The following STK10 variants were observed in gnomAD, a reference collection of about 807,000 sequenced individuals.
STK10 encodes the protein serine/threonine-protein kinase 10.
Under a neutral mutation model 113.8 loss-of-function variants are expected in STK10, and 78 were observed. The observed-to-expected ratio is 0.69, with a 90% CI of 0.57 to 0.83. The LOEUF (loss-of-function observed/expected upper bound fraction) is 0.83. Among genes scored for constraint, STK10 ranks in the 40% least tolerant of loss-of-function variants. The pLI, the probability that STK10 is intolerant of heterozygous loss-of-function variation, is 0.00. For synonymous variants in STK10, 465 were observed against 494.7 expected, an observed-to-expected ratio of 0.94 and a Z score of 0.80; for missense variants, 1,109 against 1,280.1, an observed-to-expected ratio of 0.87 and a Z score of 2.04.
chr5:172,099,186 C>T (rs1172257303), intron 7 of STK10, among the ~76,000 whole-genome samples: 1 of 152,142 alleles, frequency 6.6e-6, no homozygotes, highest in African/African-American at 2.4e-5. Context: ...TCACCATCAC[C>T]ATGACCATTA....
chr5:172,063,308 A>G (rs1388693108), intron 13 of STK10, among the ~76,000 whole-genome samples: 1 of 151,994 alleles, frequency 6.6e-6, no homozygotes, highest in Non-Finnish European at 1.5e-5. Flanking sequence ...CGTCTCAGAT[A>G]AATAAATAAT....
intron 2 of STK10, among the ~76,000 whole-genome samples, chr5:172,143,330 A>C (rs541182308): frequency 3.7e-4 from 56 of 152,276 alleles, no homozygotes; most frequent in African/African-American, 1.3e-3. Flanking sequence ...GTGCCACTGC[A>C]CTCCAGGCTA....
At chr5:172,108,921 A>G (rs1186481974) in intron 4 of STK10, among the ~76,000 whole-genome samples, 1 of 151,892 alleles carries the variant, frequency 6.6e-6, no homozygotes, top group Non-Finnish European at 1.5e-5. Flanking sequence ...AGTAGATGAC[A>G]TTACAGGCAT....
chr5:172,154,678 C>T lies in STK10; in HGVS notation c.321+1946G>A, dbSNP rs115313129. ...CCAGCCTAAAGTGACAATTTAGGGA[C>T]GGAAAAGTCTAGCGTATTTATTTAA... On this transcript the variant is annotated intron_variant, in intron 2 of 18. Coordinates refer to ENST00000176763, the MANE Select transcript of STK10 (RefSeq NM_005990.4). Among the ~76,000 whole-genome samples the T allele has an allele frequency of 4.6e-3, 695 of 152,304 alleles. 4 individuals carry two copies. Among genetic ancestry groups the T allele is most frequent in the Non-Finnish European group, 6.9e-3 (466 of 68,028 alleles).
chr5:172,182,257 C>T (rs1441760545), intron 1 of STK10, among the ~76,000 whole-genome samples: 1 of 140,120 alleles, frequency 7.1e-6, no homozygotes, highest in Non-Finnish European at 1.5e-5. Context: ...GAGCTGAGAT[C>T]GCACCATTGC....
chr5:172,087,341 C>T (rs1342065723), intron 10 of STK10, among the ~76,000 whole-genome samples: 2 of 151,854 alleles, frequency 1.3e-5, no homozygotes, highest in Non-Finnish European at 2.9e-5. Context: ...GTGACACAAT[C>T]TCGGCTCACT....
intron 17 of STK10, among the ~76,000 whole-genome samples, chr5:172,054,111 G>C (rs1296828393): frequency 6.6e-6 from 1 of 152,202 alleles, no homozygotes; most frequent in Non-Finnish European, 1.5e-5. Flanking sequence ...GGGGCTTCAA[G>C]TACCAGCTCC....
At chr5:172,048,324 C>A (rs1331015101) in intron 18 of STK10, among the ~76,000 whole-genome samples, 1 of 151,758 alleles carries the variant, frequency 6.6e-6, no homozygotes, top group Non-Finnish European at 1.5e-5. Flanking sequence ...AGCCTGCTGA[C>A]CTGTCCTGCA....
At chr5:172,130,764 T>G (rs549899926) in intron 2 of STK10, among the ~76,000 whole-genome samples, 1 of 152,180 alleles carries the variant, frequency 6.6e-6, no homozygotes, top group East Asian at 1.9e-4. Context: ...CCAACTTCAT[T>G]GAGAAAGTTA....
chr5:172,142,685 T>C (rs1213952960), intron 2 of STK10, among the ~76,000 whole-genome samples: 1 of 152,246 alleles, frequency 6.6e-6, no homozygotes, highest in East Asian at 1.9e-4. Context: ...CAAAAGACAT[T>C]GCCTGGTACA....
At chr5:172,103,381 T>C (rs1299061088) in intron 7 of STK10, among the ~76,000 whole-genome samples, 1 of 152,188 alleles carries the variant, frequency 6.6e-6, no homozygotes, top group African/African-American at 2.4e-5. Flanking sequence ...ACGGTAAGAA[T>C]CCTCTGGCAG....
At position 172,171,208 on chromosome 5, in the gene STK10, C is replaced by T. The variant is rs544535175; in HGVS notation, c.157-14420G>A. ...AAGAAAATCAAAGCTTTTCATAATC[C>T]AAGGGACTCGCCTTTGGTATTCTGC... On this transcript the variant is annotated intron_variant, in intron 1 of 18. Transcript: ENST00000176763. 1.1e-4 allele frequency among the ~76,000 whole-genome samples: 16 copies of T among 152,162 alleles called. No individual in the cohort carries two copies. The East Asian group carries it at 1.3e-3, about 13-fold the overall frequency.
At chr5:172,179,402 G>A (rs374109177) in intron 1 of STK10, among the ~76,000 whole-genome samples, 1 of 152,344 alleles carries the variant, frequency 6.6e-6, no homozygotes, top group South Asian at 2.1e-4. Context: ...ACCCAGGGCT[G>A]TTCTGGGGGC....
chr5:172,154,850 C>T (rs1292371785), intron 2 of STK10, among the ~76,000 whole-genome samples: 2 of 152,028 alleles, frequency 1.3e-5, no homozygotes, highest in African/African-American at 2.4e-5. Context: ...TGGGATAAAG[C>T]AACAACCTCA....
chr5:172,175,051 T>C (rs1770734649), intron 1 of STK10, among the ~76,000 whole-genome samples: 1 of 152,202 alleles, frequency 6.6e-6, no homozygotes, highest in Non-Finnish European at 1.5e-5. Flanking sequence ...GGTCTTGCCC[T>C]GTCACCCAGA....
intron 3 of STK10, among the ~76,000 whole-genome samples, chr5:172,123,118 C>A (rs1012297207): frequency 3.3e-5 from 5 of 152,194 alleles, no homozygotes; most frequent in African/African-American, 7.2e-5. Flanking sequence ...GGGAATGGAC[C>A]CCTGGGCCCC....
At chr5:172,145,252 C>T (rs1770061301) in intron 2 of STK10, among the ~76,000 whole-genome samples, 1 of 152,220 alleles carries the variant, frequency 6.6e-6, no homozygotes, top group Non-Finnish European at 1.5e-5. Context: ...CAGGCCCATG[C>T]CCCTGCCCTG....
chr5:172,056,805 T>A (rs2113694086), intron 15 of STK10, among the ~76,000 whole-genome samples: 1 of 148,856 alleles, frequency 6.7e-6, no homozygotes, highest in East Asian at 2.0e-4. Context: ...ACCCAGGAGG[T>A]GGAGGTTGCA....
chr5:172,158,833 T>A (rs1220582346), intron 1 of STK10, among the ~76,000 whole-genome samples: 2 of 151,704 alleles, frequency 1.3e-5, no homozygotes, highest in African/African-American at 4.8e-5. Flanking sequence ...GTACCCAGAG[T>A]AGCTGAAATC....
Sources: allele counts gnomAD v4.1 joint callset (sites outside exome capture counted in the v4.1 genomes callset), GRCh38; gene constraint gnomAD v4.1.1; transcripts MANE v1.5; gene names NCBI Gene and HGNC (gene_info 2026-07-23, HGNC 2026-07-21).